The following FOXP3 variants were observed in gnomAD, a reference collection of about 807,000 sequenced individuals.
FOXP3 encodes the protein forkhead box protein P3.
FOXP3 carries 5 observed loss-of-function variants against 31.2 expected under a neutral mutation model. That is an observed-to-expected ratio of 0.16 (90% CI 0.08 to 0.34). The LOEUF is 0.34. Ranked by LOEUF, FOXP3 falls within the 10% of genes least tolerant of loss-of-function variation. FOXP3 has a pLI of 1.00. For synonymous variants in FOXP3, 141 were observed against 148.8 expected (o/e 0.95, Z 0.38); for missense variants, 251 against 363.0 (o/e 0.69, Z 2.51).
chrX:49,255,629 C>G, intron 7 of FOXP3, 86 bp downstream of exon 7: 2 of 1,116,204 alleles, frequency 1.8e-6, no homozygotes. Flanking sequence ...AGCCCTCGTC[C>G]CAGGTGAACT....
At position 49,255,808 on chromosome X, in the gene FOXP3, T is replaced by C; in HGVS notation, c.648-6A>G. 8.4e-7 allele frequency: 1 copy of C among 1,196,508 alleles called. No individual in the cohort carries two copies. ...GATGGTCCGCCTGGCAGTGCCTAAG[T>C]AGGGAGAAGATTCCATGCAGGTGAC... On this transcript the variant is annotated splice_region_variant and splice_polypyrimidine_tract_variant and intron_variant, in intron 6 of 11. Transcript: ENST00000376207.
intron 1 of FOXP3, among the ~76,000 whole-genome samples, chrX:49,261,857 G>A (rs975071993): frequency 8.9e-6 from 1 of 111,929 alleles, no homozygotes; most frequent in East Asian, 2.8e-4. Flanking sequence ...CAACTCTGCC[G>A]CTGCATTTCG....
intron 1 of FOXP3, among the ~76,000 whole-genome samples, chrX:49,261,092 T>C (rs1348548301): frequency 1.8e-5 from 2 of 112,502 alleles, no homozygotes; most frequent in Non-Finnish European, 3.8e-5. Context: ...GGTCTTCAAA[T>C]AGTATAACAC....
rs373567091 is a variant in FOXP3 at position 49,258,363 on chromosome X, C to T, written c.143G>A (p.Arg48Gln). The T allele has an allele frequency of 2.6e-6, 3 of 1,167,429 alleles. No individual in the cohort carries two copies. Among genetic ancestry groups the T allele is most frequent in the South Asian group, 3.8e-5 (2 of 52,785 alleles). The change falls in exon 2 of 12, where the codon CGA becomes CAA. Residue 48 changes from arginine (R) to glutamine (Q), a missense_variant. By Grantham distance (43) the Arg-to-Gln change is conservative (BLOSUM62 1). Transcript: ENST00000376207. Reference protein sequence around the residue: ...ARGPGGTFQGRDLRGGAHASS... With the variant: ...ARGPGGTFQGQDLRGGAHASS... Reference sequence around the variant, plus strand: ...GGCATGGGCCCCGCCTCGAAGATCTCGGCCCTGGAAGGTTCCCCCTGGGCC... The same window carrying T: ...GGCATGGGCCCCGCCTCGAAGATCTTGGCCCTGGAAGGTTCCCCCTGGGCC...
At chrX:49,254,463 G>T (rs1282785094) in intron 8 of FOXP3, among the ~76,000 whole-genome samples, 1 of 111,862 alleles carries the variant, frequency 8.9e-6, no homozygotes, top group Non-Finnish European at 1.9e-5. Flanking sequence ...GTTTTTCAAA[G>T]CAAGGACGCC....
chrX:49,256,282 G>A (rs187375954), intron 6 of FOXP3, among the ~76,000 whole-genome samples: 3 of 104,438 alleles, frequency 2.9e-5, no homozygotes, highest in African/African-American at 1.1e-4. Context: ...GAGACATATG[G>A]GGGGACTGAG....
intron 7 of FOXP3, 55 bp from the exon 8 acceptor site, chrX:49,255,564 TG>T (rs1557116177): frequency 8.8e-7 from 1 of 1,131,561 alleles, no homozygotes; most frequent in African/African-American, 1.8e-5. Flanking sequence ...GCCACATCTT[TG>T]CCCAGGCTAC....
intron 1 of FOXP3, 96 bp downstream of exon 1, chrX:49,264,565 T>G (rs1049825258): frequency 4.8e-4 from 212 of 446,155 alleles, no homozygotes; most frequent in Non-Finnish European, 5.8e-4. Flanking sequence ...TACATCCCAC[T>G]GTACCAGAGG....
At chrX:49,258,209 C>G (rs2232366) in intron 2 of FOXP3, 87 bp downstream of exon 2, 7 of 784,126 alleles carry the variant, frequency 8.9e-6, no homozygotes, top group Non-Finnish European at 1.3e-5. Flanking sequence ...AGCCAGCCCC[C>G]CTCCCGCCCA....
intron 1 of FOXP3, among the ~76,000 whole-genome samples, chrX:49,262,034 G>A (rs1318618918): frequency 5.3e-5 from 6 of 112,323 alleles, no homozygotes; most frequent in African/African-American, 1.6e-4. Flanking sequence ...CTGGCTGAGA[G>A]ATAGGGATAC....
chrX:49,254,937 G>A (rs1458098935), intron 8 of FOXP3, among the ~76,000 whole-genome samples: 1 of 107,770 alleles, frequency 9.3e-6, no homozygotes, highest in Non-Finnish European at 1.9e-5. Flanking sequence ...GGATCTTAGA[G>A]TCAGAGGGTT....
At chrX:49,263,467 C>A (rs1220572688) in intron 1 of FOXP3, among the ~76,000 whole-genome samples, 1 of 111,777 alleles carries the variant, frequency 8.9e-6, no homozygotes, top group East Asian at 2.8e-4. Flanking sequence ...TAGAAAAAAA[C>A]GAGAAACAAC....
intron 10 of FOXP3, 46 bp from the exon 11 acceptor site, chrX:49,251,811 G>GT (rs782289093): frequency 1.9e-5 from 22 of 1,187,286 alleles, no homozygotes; most frequent in Non-Finnish European, 2.4e-5. Context: ...CCAAACTTGG[G>GT]GTTTAGAGGG....
rs781840839 is a variant in FOXP3 at position 49,264,710 on chromosome X, T to C, written c.-72A>G. 4 of 751,877 alleles carry C rather than the reference T, an allele frequency of 5.3e-6. No homozygotes were observed. In the African/African-American group the frequency reaches 9.3e-5, roughly 18 times the overall value. The allele number at this position is 751,877 out of a possible 1,213,427, so 62.0% of individuals were successfully genotyped here. On this transcript the variant is annotated 5_prime_UTR_variant, in exon 1 of 12. Coordinates refer to ENST00000376207, the MANE Select transcript of FOXP3 (RefSeq NM_014009.4). ...AGGATCAGCCTGGCTTGTGGGAAAC[T>C]GTCACGTATCAAAAACAACTTTGCT... is the stretch of plus-strand genomic sequence containing the variant.
In FOXP3 at chrX:49,257,615, C is replaced by T. The variant is rs782763524; in HGVS notation, c.315+49G>A. The T allele has an allele frequency of 2.1e-5, 25 of 1,186,493 alleles. No individual in the cohort carries two copies. In the South Asian group the frequency reaches 3.9e-4, roughly 18 times the overall value. On this transcript the variant is annotated intron_variant, in intron 3 of 11. Transcript: ENST00000376207. ...TTCAGCCTGACTCGGGGCCCCTCCC[C>T]ACAGTTCTCCCACCTGCTCCCTCCT... is the stretch of plus-strand genomic sequence containing the variant.
rs782436363 is a variant in FOXP3 at position 49,253,904 on chromosome X, G to C, written c.967+13C>G. On this transcript the variant is annotated intron_variant, in intron 9 of 11. Transcript: ENST00000376207. ...AGCTTGGGGGCACCGTGTAGTGCAA[G>C]GACCATTCTTACCTGGGAATGTGCT... 1 of 1,209,309 alleles carries C rather than the reference G, an allele frequency of 8.3e-7. No individual in the cohort carries two copies. The highest frequency in any genetic ancestry group is 1.1e-6 in the Non-Finnish European group (1 of 894,907).
At chrX:49,256,684 G>T in intron 6 of FOXP3, 67 bp downstream of exon 6, 1 of 938,676 alleles carries the variant, frequency 1.1e-6, no homozygotes, top group Non-Finnish European at 1.5e-6. Context: ...CCTGAGCTGA[G>T]ATCTGCACCC....
Position 49,263,824 on chromosome X carries a change from C to T in FOXP3, c.-23+837G>A, listed in dbSNP as rs782624573. Among the ~76,000 whole-genome samples the T allele has an allele frequency of 8.1e-5, 9 of 110,947 alleles. No homozygotes were observed. The South Asian group carries it at 2.7e-3, about 33-fold the overall frequency. On this transcript the variant is annotated intron_variant, in intron 1 of 11. Coordinates refer to ENST00000376207, the MANE Select transcript of FOXP3 (RefSeq NM_014009.4). ...GGGGTAGGTCCACACAGCTAAACTA[C>T]GGTTGACAATGGTGTGAAGTGCTCC...
In FOXP3 at chrX:49,258,444, C is replaced by T. The variant is rs1557116750; in HGVS notation, c.62G>A (p.Gly21Glu). ...TGCAGCCCTCCAGCTGGGCGAGGCTCCTGGGGATGGGCCAAGGGCCAAGGA... is the reference window on the plus strand; with the variant it reads ...TGCAGCCCTCCAGCTGGGCGAGGCTTCTGGGGATGGGCCAAGGGCCAAGGA... ...APSLALGPSPGASPSWRAAPK... is the reference protein window; with the variant it reads ...APSLALGPSPEASPSWRAAPK... Residue 21 changes from glycine (G) to glutamate (E), a missense_variant, in exon 2 of 12, where the codon GGA becomes GAA. Physicochemically the swap from Gly to Glu is moderately conservative, Grantham distance 98 (BLOSUM62 -2). This residue lies in a region of FOXP3 where 152 missense variants were observed against 188.1 expected (regional missense o/e 0.81). Transcript: ENST00000376207. 1 of 1,189,198 alleles carries T rather than the reference C, an allele frequency of 8.4e-7. No homozygotes were observed. The highest frequency in any genetic ancestry group is 3.0e-5 in the East Asian group (1 of 32,947).
Sources: allele counts gnomAD v4.1 joint callset (sites outside exome capture counted in the v4.1 genomes callset), GRCh38; gene constraint gnomAD v4.1.1; regional missense constraint gnomAD v4.1.1; transcripts MANE v1.5; gene names NCBI Gene and HGNC (gene_info 2026-07-23, HGNC 2026-07-21).